The following LIMA1 variants were observed in gnomAD, a reference collection of about 807,000 sequenced individuals.
LIMA1 encodes LIM domain and actin binding 1, also known as LIM domain and actin-binding protein 1.
In LIMA1, 52 loss-of-function variants were observed where a neutral mutation model predicts 62.6. The ratio of observed to expected loss-of-function variants is 0.83; its 90% CI spans 0.67 to 1.05. The LOEUF is 1.05. LIMA1 is among the 50% of genes least tolerant of loss of function. The probability of loss-of-function intolerance (pLI) is 0.00; values close to 1 mark genes in which losing one functional copy is unlikely to be tolerated. For synonymous variants in LIMA1, 302 were observed against 317.8 expected (o/e 0.95, Z 0.53); for missense variants, 780 against 902.2 (o/e 0.86, Z 1.74).
At chr12:50,245,972 G>A (rs760046423) in intron 2 of LIMA1, among the ~76,000 whole-genome samples, 16 of 151,980 alleles carry the variant, frequency 1.1e-4, no homozygotes, top group East Asian at 1.9e-4. Flanking sequence ...GGTGGCTCAC[G>A]CCTGTAATCC....
intron 9 of LIMA1, chr12:50,185,646 C>A: frequency 2.7e-6 from 1 of 366,698 alleles, no homozygotes; most frequent in Non-Finnish European, 5.4e-6. Flanking sequence ...GGAACATATC[C>A]CAGCTCAGGA....
intron 8 of LIMA1, among the ~76,000 whole-genome samples, chr12:50,195,312 T>C (rs1358026754): frequency 1.3e-5 from 2 of 152,004 alleles, no homozygotes; most frequent in Admixed American, 6.6e-5. Flanking sequence ...AGGCTCAAAA[T>C]GACTCCAAAA....
chr12:50,277,033 G>A (rs1942283730), intron 1 of LIMA1, among the ~76,000 whole-genome samples: 1 of 152,132 alleles, frequency 6.6e-6, no homozygotes. Context: ...AGTAGAAGAA[G>A]TTGTTAAATA....
chr12:50,177,944 C>T lies in LIMA1; in HGVS notation c.1400G>A (p.Ser467Asn), dbSNP rs751181087. The T allele has an allele frequency of 6.2e-7, 1 of 1,614,014 alleles. No individual in the cohort carries two copies. The highest frequency in any genetic ancestry group is 1.3e-5 in the African/African-American group (1 of 75,044). Residue 467 changes from serine to asparagine, a missense_variant, in exon 11 of 11, where the codon AGC (serine) becomes AAC (asparagine). Ser to Asn is a conservative substitution (Grantham distance 46, BLOSUM62 1). Transcript: ENST00000341247. ...CAAAATCTCTTCGTTTTCATTTTTGCTTGCCCATAGATCCTTGTGTGGTCT... is the reference window on the plus strand; with the variant it reads ...CAAAATCTCTTCGTTTTCATTTTTGTTTGCCCATAGATCCTTGTGTGGTCT... Reference protein sequence around the residue: ...GHRPHKDLWASKNENEEILER... With the variant: ...GHRPHKDLWANKNENEEILER...
intron 4 of LIMA1, among the ~76,000 whole-genome samples, chr12:50,221,287 A>T (rs969830757): frequency 2.6e-5 from 4 of 152,186 alleles, no homozygotes; most frequent in African/African-American, 9.7e-5. Flanking sequence ...AGTATGAGAA[A>T]ACTGGAAAAA....
chr12:50,197,624 C>T (rs528064634), intron 7 of LIMA1, among the ~76,000 whole-genome samples: 2 of 152,246 alleles, frequency 1.3e-5, no homozygotes, highest in East Asian at 1.9e-4. Flanking sequence ...ATGTTCTAAT[C>T]TTCCAGTTCA....
chr12:50,252,548 T>C (rs959309063), intron 1 of LIMA1, among the ~76,000 whole-genome samples: 1 of 124,284 alleles, frequency 8.0e-6, no homozygotes, highest in Non-Finnish European at 1.6e-5. Flanking sequence ...ACCACTGTAC[T>C]CCAGCCTGGG....
At chr12:50,241,630 T>A (rs1941777488) in intron 2 of LIMA1, among the ~76,000 whole-genome samples, 1 of 152,174 alleles carries the variant, frequency 6.6e-6, no homozygotes, top group African/African-American at 2.4e-5. Flanking sequence ...TGTAATGAAG[T>A]TCCTGCTAAA....
At chr12:50,268,468 CA>C (rs1565864554) in intron 1 of LIMA1, among the ~76,000 whole-genome samples, 2 of 152,176 alleles carry the variant, frequency 1.3e-5, no homozygotes, top group African/African-American at 4.8e-5. Flanking sequence ...GAATCAGGTA[CA>C]AGTTTGAACC....
chr12:50,262,793 T>G (rs1942088770), intron 1 of LIMA1, among the ~76,000 whole-genome samples: 3 of 152,104 alleles, frequency 2.0e-5, no homozygotes, highest in Non-Finnish European at 4.4e-5. Flanking sequence ...CACTCCAGCC[T>G]GGGCAACAGA....
chr12:50,239,132 CT>C (rs1941737643), intron 2 of LIMA1, among the ~76,000 whole-genome samples: 1 of 152,060 alleles, frequency 6.6e-6, no homozygotes, highest in Non-Finnish European at 1.5e-5. Context: ...ATAATATCTG[CT>C]CTCCGATGCT....
chr12:50,271,453 C>T (rs559000102), intron 1 of LIMA1, among the ~76,000 whole-genome samples: 5 of 152,224 alleles, frequency 3.3e-5, no homozygotes, highest in South Asian at 2.1e-4. Context: ...TTTCCCTCCC[C>T]GTCCCAGCTG....
intron 1 of LIMA1, chr12:50,256,373 C>T (rs1248310325): frequency 6.6e-6 from 1 of 152,120 alleles, no homozygotes; most frequent in Non-Finnish European, 1.5e-5. Context: ...CAATTTCATA[C>T]ATAAGAGTTG....
At chr12:50,226,403 G>T (rs934492848) in intron 3 of LIMA1, among the ~76,000 whole-genome samples, 5 of 152,040 alleles carry the variant, frequency 3.3e-5, no homozygotes, top group African/African-American at 1.2e-4. Context: ...GGAGGCTTCT[G>T]CTTTATTTTA....
chr12:50,195,710 A>G (rs1940912551), intron 8 of LIMA1, 120 bp downstream of exon 8: 3 of 981,346 alleles, frequency 3.1e-6, no homozygotes, highest in Non-Finnish European at 4.4e-6. Context: ...TAGCCCTTAA[A>G]TTCAAGTAGA....
At chr12:50,272,844 G>A (rs1430978568) in intron 1 of LIMA1, among the ~76,000 whole-genome samples, 1 of 151,528 alleles carries the variant, frequency 6.6e-6, no homozygotes, top group East Asian at 2.0e-4. Flanking sequence ...TCAGGAGATC[G>A]AGACCATCCT....
Position 50,204,566 on chromosome 12 carries a change from A to C in LIMA1, c.850T>G (p.Ser284Ala). ...AGAACACATACTGTATAGTTGGTTG[A>C]GCTGCTTTGTTTGGACACAGCTGCC... ...YQAAVSKQSS[S>A]TNYTNELKAS... is the part of the protein sequence containing the mutation. The change falls in exon 6 of 11, where the codon TCA (serine) becomes GCA (alanine). Residue 284 changes from serine to alanine, a missense_variant. By Grantham distance (99) the Ser-to-Ala change is moderately conservative (BLOSUM62 1). Transcript: ENST00000341247. 6.2e-7 allele frequency: 1 copy of C among 1,614,100 alleles called. No individual in the cohort carries two copies. The highest frequency in any genetic ancestry group is 8.5e-7 in the Non-Finnish European group (1 of 1,180,010).
intron 4 of LIMA1, among the ~76,000 whole-genome samples, chr12:50,216,110 A>T (rs1013969074): frequency 1.6e-4 from 24 of 152,164 alleles, no homozygotes; most frequent in East Asian, 5.8e-4. Context: ...TATCTTTTTC[A>T]TAAAAGGCTG....
At chr12:50,255,594 GAAAGA>G (rs961446518) in intron 1 of LIMA1, among the ~76,000 whole-genome samples, 4 of 140,686 alleles carry the variant, frequency 2.8e-5, no homozygotes, top group Non-Finnish European at 6.2e-5. Context: ...GTAAAGAAAA[GAAAGA>G]AAAGAAAGGA....
Sources: gnomAD v4.1 joint callset for allele counts (sites outside exome capture counted in the v4.1 genomes callset) on GRCh38, gnomAD v4.1.1 for gene constraint, MANE v1.5 for transcripts, NCBI Gene and HGNC (gene_info 2026-07-23, HGNC 2026-07-21) for gene names.